PPP2R5D: variants seen among roughly 807,000 people sequenced by gnomAD.
PPP2R5D encodes serine/threonine-protein phosphatase 2A 56 kDa regulatory subunit delta isoform.
PPP2R5D carries 12 observed loss-of-function variants against 79.1 expected under a neutral mutation model. The ratio of observed to expected loss-of-function variants is 0.15; its 90% CI spans 0.10 to 0.25. The LOEUF is 0.25. Among genes scored for constraint, PPP2R5D ranks in the 10% least tolerant of loss-of-function variants. The probability of loss-of-function intolerance (pLI) is 1.00; values close to 1 mark genes in which losing one functional copy is unlikely to be tolerated. For synonymous variants in PPP2R5D, 277 were observed against 286.6 expected, an observed-to-expected ratio of 0.97 and a Z score of 0.34; for missense variants, 419 against 760.2, an observed-to-expected ratio of 0.55 and a Z score of 5.28.
intron 2 of PPP2R5D, among the ~76,000 whole-genome samples, chr6:43,003,508 C>T (rs901778167): frequency 4.6e-5 from 7 of 152,094 alleles, no homozygotes; most frequent in South Asian, 4.1e-4. Flanking sequence ...TATCATACTA[C>T]ACAATGGAAG....
In PPP2R5D at chr6:43,006,510, GCCA is replaced by G; in HGVS notation, c.156_158del (p.Pro53del). The G allele has an allele frequency of 6.2e-7, 1 of 1,613,988 alleles. No individual in the cohort carries two copies. The highest frequency in any genetic ancestry group is 8.5e-7 in the Non-Finnish European group (1 of 1,180,008). On this transcript the variant is annotated inframe_deletion, in exon 3 of 16. Transcript: ENST00000485511. The surrounding 1 kb of genome is among the most constrained non-coding windows in gnomAD (Gnocchi z 4.7). The stretch of plus-strand genomic sequence containing the variant: ...AGCCCCAGCCCCAAGCCCAGTCTCA[GCCA>G]CCGTCATCCAACAAGCGTCCCAGCA...
In PPP2R5D at chr6:43,012,221, T is replaced by G; in HGVS notation, c.*935T>G. 1 of 1,176,904 alleles carries G rather than the reference T, an allele frequency of 8.5e-7. No individual in the cohort carries two copies. Among genetic ancestry groups the G allele is most frequent in the Non-Finnish European group, 1.1e-6 (1 of 951,666 alleles). The allele number at this position is 1,176,904 out of a possible 1,614,324, so 72.9% of individuals were successfully genotyped here. ...ACCCAGGTTCCAGGGGCGCAGGCAG[T>G]GCGGCTTTTGGCTGTGTACATAGGG... On this transcript the variant is annotated 3_prime_UTR_variant, in exon 16 of 16. Coordinates refer to ENST00000485511, the MANE Select transcript of PPP2R5D (RefSeq NM_006245.4).
intron 2 of PPP2R5D, among the ~76,000 whole-genome samples, chr6:42,995,079 T>TC (rs1451738435): frequency 1.3e-5 from 2 of 151,440 alleles, no homozygotes; most frequent in Non-Finnish European, 1.5e-5. Context: ...GCCCCACTCT[T>TC]CTTCTAGCAC....
chr6:43,008,156 G>C lies in PPP2R5D; in HGVS notation c.858-45G>C. On this transcript the variant is annotated intron_variant, in intron 7 of 15. Coordinates refer to ENST00000485511, the MANE Select transcript of PPP2R5D (RefSeq NM_006245.4). The surrounding 1 kb of genome is among the most constrained non-coding windows in gnomAD (Gnocchi z 4.2). ...GGTGGGGGGACTGTACAGAATGCTG[G>C]AGGGACATCAGGGGTTGTCAAGAGA... 6.2e-7 allele frequency: 1 copy of C among 1,613,820 alleles called. No homozygotes were observed. The highest frequency in any genetic ancestry group is 2.2e-5 in the East Asian group (1 of 44,876).
Position 43,004,313 on chromosome 6 carries a change from G to A in PPP2R5D, c.106-2150G>A, listed in dbSNP as rs566263442. On this transcript the variant is annotated intron_variant, in intron 2 of 15. Coordinates refer to ENST00000485511, the MANE Select transcript of PPP2R5D (RefSeq NM_006245.4). ...GCTGGGATTACAGGCGTGAGCCACC[G>A]CACTTGGCCTTGTACTATCATTATT... Among the ~76,000 whole-genome samples, 129 of 152,218 alleles carry A rather than the reference G, an allele frequency of 8.5e-4. 1 individual carries two copies. Among genetic ancestry groups the A allele is most frequent in the African/African-American group, 2.9e-3 (119 of 41,538 alleles).
At chr6:43,003,200 A>C (rs1761870866) in intron 2 of PPP2R5D, among the ~76,000 whole-genome samples, 1 of 152,176 alleles carries the variant, frequency 6.6e-6, no homozygotes, top group Non-Finnish European at 1.5e-5. Flanking sequence ...AGGCAGGTGG[A>C]TTAATTTAGG....
rs1031343896 is a variant in PPP2R5D, at chr6:43,010,064, G to A, written c.1380-404G>A. Among the ~76,000 whole-genome samples, 2 of 143,718 alleles carry A rather than the reference G, an allele frequency of 1.4e-5. No individual in the cohort carries two copies. Among genetic ancestry groups the A allele is most frequent in the South Asian group, 2.2e-4 (1 of 4,514 alleles). The allele number at this position is 143,718 out of a possible 152,430, so 94.3% of individuals were successfully genotyped here. A position where few individuals can be genotyped will look rare whatever the true frequency, so the allele number is the denominator to read the frequency against. On this transcript the variant is annotated intron_variant, in intron 12 of 15. Transcript: ENST00000485511. This position sits in a 1 kb window ranked among gnomAD's most constrained non-coding sequence, Gnocchi z 4.7. Reference sequence around the variant, plus strand: ...AGCCTGGGCAACAGAGTGAGACTCCGTCTTAAAAAAAAAACTCAGGGTTTT... The same window carrying A: ...AGCCTGGGCAACAGAGTGAGACTCCATCTTAAAAAAAAAACTCAGGGTTTT...
intron 2 of PPP2R5D, among the ~76,000 whole-genome samples, chr6:42,991,699 T>G (rs902819172): frequency 2.6e-5 from 4 of 152,184 alleles, no homozygotes; most frequent in Admixed American, 6.5e-5. Flanking sequence ...AATGCACCAA[T>G]TTCACATTAG....
In PPP2R5D at chr6:43,006,553, C is replaced by T; in HGVS notation, c.196C>T (p.Pro66Ser). 6.2e-7 allele frequency: 1 copy of T among 1,614,152 alleles called. No homozygotes were observed. Among genetic ancestry groups the T allele is most frequent in the Non-Finnish European group, 8.5e-7 (1 of 1,180,038 alleles). Residue 66 changes from proline (P) to serine (S), a missense_variant, in exon 3 of 16, where the codon CCC (proline) becomes TCC (serine). Pro to Ser is a moderately conservative substitution (Grantham distance 74). Transcript: ENST00000485511. This position sits in a 1 kb window ranked among gnomAD's most constrained non-coding sequence, Gnocchi z 4.7. ...NKRPSNSTPP[P>S]TQLSKIKYSG... ...GCGTCCCAGCAATAGCACGCCGCCC[C>T]CCACGCAGCTCAGCAAAATCAAGTA...
intron 2 of PPP2R5D, among the ~76,000 whole-genome samples, chr6:42,999,944 CT>C (rs1316512464): frequency 1.3e-5 from 2 of 149,532 alleles, no homozygotes; most frequent in African/African-American, 4.9e-5. Context: ...CCTGCCACCT[CT>C]TTTTTTTTGA....
intron 2 of PPP2R5D, among the ~76,000 whole-genome samples, chr6:42,999,680 C>T (rs959053008): frequency 6.6e-6 from 1 of 152,050 alleles, no homozygotes; most frequent in African/African-American, 2.4e-5. Flanking sequence ...ATTCTCCCAC[C>T]TCAGCCTCCT....
intron 2 of PPP2R5D, among the ~76,000 whole-genome samples, chr6:42,990,173 C>T (rs555341151): frequency 6.6e-5 from 10 of 152,264 alleles, no homozygotes; most frequent in African/African-American, 2.2e-4. Flanking sequence ...CAGAGTTCAG[C>T]GCAGCTTAGC....
chr6:43,004,866 C>T (rs1761983255), intron 2 of PPP2R5D, among the ~76,000 whole-genome samples: 1 of 151,442 alleles, frequency 6.6e-6, no homozygotes, highest in South Asian at 2.1e-4. Context: ...TCTCCTGCCT[C>T]AGCCTCCCGA....
rs1581862256 is a variant in PPP2R5D, at chr6:43,010,522, G to C, written c.1434G>C (p.Gln478His). ...TGAAGTTGTTTATGGAAATGAATCA[G>C]AAGCTGTTTGATGACTGCACACAAC... is the stretch of plus-strand genomic sequence containing the variant. ...NALKLFMEMN[Q>H]KLFDDCTQQY... The change falls in exon 13 of 16, where the codon CAG (glutamine) becomes CAC (histidine). Residue 478 changes from glutamine (Q) to histidine (H), a missense_variant. Physicochemically the swap from Gln to His is conservative, Grantham distance 24. Coordinates refer to ENST00000485511, the MANE Select transcript of PPP2R5D (RefSeq NM_006245.4). The surrounding 1 kb of genome is among the most constrained non-coding windows in gnomAD (Gnocchi z 4.7). 6.2e-7 allele frequency: 1 copy of C among 1,614,142 alleles called. No homozygotes were observed. The highest frequency in any genetic ancestry group is 1.3e-5 in the African/African-American group (1 of 75,032).
intron 2 of PPP2R5D, among the ~76,000 whole-genome samples, chr6:42,990,600 T>G (rs186062873): frequency 1.3e-5 from 2 of 151,928 alleles, no homozygotes; most frequent in Non-Finnish European, 2.9e-5. Context: ...CTCATTTAAG[T>G]AATGAGAAGC....
rs1762139444 is a variant in PPP2R5D, at chr6:43,007,344, G to A, written c.633+38G>A. 3 of 1,609,382 alleles carry A rather than the reference G, an allele frequency of 1.9e-6. No homozygotes were observed. The highest frequency in any genetic ancestry group is 1.7e-5 in the Admixed American group (1 of 59,996). On this transcript the variant is annotated intron_variant, in intron 5 of 15. Coordinates refer to ENST00000485511, the MANE Select transcript of PPP2R5D (RefSeq NM_006245.4). This position sits in a 1 kb window ranked among gnomAD's most constrained non-coding sequence, Gnocchi z 4.5. ...GGGGGCAGATTGGCCGTGGCTGCAGGGAGTGGGGCACTTGGAGGCCTGCAA... is the reference window on the plus strand; with the variant it reads ...GGGGGCAGATTGGCCGTGGCTGCAGAGAGTGGGGCACTTGGAGGCCTGCAA...
At position 43,008,605 on chromosome 6, in the gene PPP2R5D, C is replaced by G; in HGVS notation, c.1027-88C>G. 1 of 1,511,084 alleles carries G rather than the reference C, an allele frequency of 6.6e-7. No homozygotes were observed. The highest frequency in any genetic ancestry group is 9.2e-7 in the Non-Finnish European group (1 of 1,088,908). 93.6% of individuals were successfully genotyped at this position (1,511,084 alleles called of 1,614,324 possible). Reference sequence around the variant, plus strand: ...TAATTCCTTCCCTCCATCTCCCCTTCCCTTCTGGGATCTTGTTTCTATCAC... The same window carrying G: ...TAATTCCTTCCCTCCATCTCCCCTTGCCTTCTGGGATCTTGTTTCTATCAC... On this transcript the variant is annotated intron_variant, in intron 9 of 15. Transcript: ENST00000485511. The surrounding 1 kb of genome is among the most constrained non-coding windows in gnomAD (Gnocchi z 4.2).
chr6:43,008,177 A>G lies in PPP2R5D; in HGVS notation c.858-24A>G, dbSNP rs770781666. 4 of 1,449,452 alleles carry G rather than the reference A, an allele frequency of 2.8e-6. No individual in the cohort carries two copies. In the South Asian group the frequency reaches 3.8e-5, roughly 14 times the overall value. The allele number at this position is 1,449,452 out of a possible 1,614,324, so 89.8% of individuals were successfully genotyped here. ...GCTGGAGGGACATCAGGGGTTGTCA[A>G]GAGAGCCATTTTTCTTCCCTCAGGT... On this transcript the variant is annotated intron_variant, in intron 7 of 15. Coordinates refer to ENST00000485511, the MANE Select transcript of PPP2R5D (RefSeq NM_006245.4). The surrounding 1 kb of genome is among the most constrained non-coding windows in gnomAD (Gnocchi z 4.2).
chr6:42,994,238 T>C (rs1214391845), intron 2 of PPP2R5D, among the ~76,000 whole-genome samples: 7 of 152,008 alleles, frequency 4.6e-5, no homozygotes, highest in African/African-American at 1.7e-4. Flanking sequence ...TGCAGTGAGC[T>C]GAGATTGTGC....
Sources: allele counts gnomAD v4.1 joint callset (sites outside exome capture counted in the v4.1 genomes callset), GRCh38; gene constraint gnomAD v4.1.1; non-coding constraint Gnocchi (gnomAD v3.1); transcripts MANE v1.5; gene names NCBI Gene and HGNC (gene_info 2026-07-23, HGNC 2026-07-21).